Variants in A2M observed in about 807,000 individuals in gnomAD.
A2M encodes the protein C3 and PZP-like alpha-2-macroglobulin domain-containing protein 5.
A neutral mutation model predicts 183.9 loss-of-function variants in A2M; 128 were observed. The ratio of observed to expected loss-of-function variants is 0.70; its 90% CI spans 0.60 to 0.81. The LOEUF is 0.81. A2M is among the 30% of genes least tolerant of loss of function. A2M has a pLI of 0.00. For synonymous variants in A2M, 592 were observed against 670.8 expected (o/e 0.88, Z 1.81); for missense variants, 1,495 against 1,787.6 (o/e 0.84, Z 2.95).
chr12:9,107,213 C>T (rs1426167383), intron 8 of A2M, among the ~76,000 whole-genome samples: 1 of 152,068 alleles, frequency 6.6e-6, no homozygotes, highest in Non-Finnish European at 1.5e-5. Context: ...ACAGAGAGAG[C>T]AGAACTGATG....
At position 9,072,754 on chromosome 12, in the gene A2M, C is replaced by T; in HGVS notation, c.3874G>A (p.Val1292Met). 1.2e-6 allele frequency: 2 copies of T among 1,614,198 alleles called. No individual in the cohort carries two copies. The highest frequency in any genetic ancestry group is 1.1e-5 in the South Asian group (1 of 91,086). ...AGTAACAGGCGGTTGTTGTTGTCCACTTGGAATTTGCTGGAAAATGTCCCT... is the reference window on the plus strand; with the variant it reads ...AGTAACAGGCGGTTGTTGTTGTCCATTTGGAATTTGCTGGAAAATGTCCCT... ...SSGTFSSKFQ[V>M]DNNNRLLLQQ... The change falls in exon 30 of 36, where the codon GTG (valine) becomes ATG (methionine). Residue 1292 changes from valine (V) to methionine (M), a missense_variant. By Grantham distance (21) the Val-to-Met change is conservative. Coordinates refer to ENST00000318602, the MANE Select transcript of A2M (RefSeq NM_000014.6).
intron 31 of A2M, 121 bp downstream of exon 31, chr12:9,072,238 C>T: frequency 1.8e-6 from 2 of 1,142,346 alleles, no homozygotes; most frequent in Non-Finnish European, 2.5e-6. Context: ...TAAGAGAATA[C>T]ATTGCATTTT....
intron 21 of A2M, among the ~76,000 whole-genome samples, chr12:9,089,576 A>G (rs141511872): frequency 2.8e-4 from 42 of 152,250 alleles, no homozygotes; most frequent in African/African-American, 8.7e-4. Flanking sequence ...TCCTGTCTCT[A>G]CTAAAAATAC....
In A2M at chr12:9,072,844, A is replaced by G. The variant is rs1349135659; in HGVS notation, c.3784T>C (p.Ser1262Pro). Residue 1262 changes from serine (S) to proline (P), a missense_variant, in exon 30 of 36, where the codon TCC (serine) becomes CCC (proline). By Grantham distance (74) the Ser-to-Pro change is moderately conservative (BLOSUM62 -1). Transcript: ENST00000318602. ...QDTVVALHALSKYGAATFTRT... is the reference protein window; with the variant it reads ...QDTVVALHALPKYGAATFTRT... ...GTAAATGTGGCTGCTCCATATTTGGACAGAGCATGGAGAGCCACCACTGTG... is the reference window on the plus strand; with the variant it reads ...GTAAATGTGGCTGCTCCATATTTGGGCAGAGCATGGAGAGCCACCACTGTG... 1 of 1,614,030 alleles carries G rather than the reference A, an allele frequency of 6.2e-7. No homozygotes were observed. The highest frequency in any genetic ancestry group is 1.1e-5 in the South Asian group (1 of 91,068).
At chr12:9,110,447 ATAATT>A (rs1464558306) in intron 4 of A2M, 113 bp from the exon 5 acceptor site, 1 of 562,334 alleles carries the variant, frequency 1.8e-6, no homozygotes, top group African/African-American at 2.0e-5. Context: ...ATAGTAAAAA[ATAATT>A]TAATTGTACA....
chr12:9,116,046 T>G, upstream of A2M: 1 of 613,056 alleles, frequency 1.6e-6, no homozygotes, highest in Non-Finnish European at 3.0e-6. Flanking sequence ...GATGGCCTAT[T>G]TATAGTCAAG....
intron 19 of A2M, among the ~76,000 whole-genome samples, chr12:9,090,690 C>T (rs1565589806): frequency 2.0e-5 from 3 of 152,090 alleles, no homozygotes; most frequent in Non-Finnish European, 2.9e-5. Context: ...TTGGAAGCAA[C>T]CTGCTCTTTC....
chr12:9,089,994 C>T lies in A2M; in HGVS notation c.2626G>A (p.Ala876Thr). 6.3e-7 allele frequency: 1 copy of T among 1,599,816 alleles called. No homozygotes were observed. Residue 876 changes from alanine (A) to threonine (T), a missense_variant, in exon 21 of 36, where the codon GCA becomes ACA. Coordinates refer to ENST00000318602, the MANE Select transcript of A2M (RefSeq NM_000014.6). ...CCACACAGCTCTTGAGACTCTAGTG[C>T]CTCTGCGCTCACAGTGAAATTCACA... is the stretch of plus-strand genomic sequence containing the variant. The part of the protein sequence containing the change: ...GNVNFTVSAE[A>T]LESQELCGTE...
Position 9,101,537 on chromosome 12 carries a change from T to C in A2M, c.1404A>G (p.Leu468=), listed in dbSNP as rs1937850461. 2 of 1,613,792 alleles carry C rather than the reference T, an allele frequency of 1.2e-6. No homozygotes were observed. The highest frequency in any genetic ancestry group is 1.3e-5 in the African/African-American group (1 of 74,870). ...FVHLEPMSHE[L]PCGHTQTVQA... Reference sequence around the variant, plus strand: ...GGACTGTCTGAGTATGGCCACAGGGTAGTTCATGAGACATGGGCTCAAGGT... The same window carrying C: ...GGACTGTCTGAGTATGGCCACAGGGCAGTTCATGAGACATGGGCTCAAGGT... Residue 468 remains leucine (L), a synonymous_variant, in exon 12 of 36, where the codon CTA becomes CTG. Transcript: ENST00000318602.
chr12:9,067,767 T>C lies in A2M; in HGVS notation c.*56A>G, dbSNP rs1227451058. On this transcript the variant is annotated 3_prime_UTR_variant, in exon 36 of 36. Transcript: ENST00000318602. ...CTTTAAAGATACAAAAACACGTGTCTTCTGTGGAGCTCTGAGAACAGGACT... is the reference window on the plus strand; with the variant it reads ...CTTTAAAGATACAAAAACACGTGTCCTCTGTGGAGCTCTGAGAACAGGACT... The C allele has an allele frequency of 1.3e-6, 2 of 1,568,568 alleles. No individual in the cohort carries two copies. The highest frequency in any genetic ancestry group is 4.5e-5 in the East Asian group (2 of 44,604).
In A2M at chr12:9,112,180, G is replaced by T. The variant is rs1215064803; in HGVS notation, c.462C>A (p.Asn154Lys). Residue 154 changes from asparagine (N) to lysine (K), a missense_variant, in exon 4 of 36, where the codon AAC (asparagine) becomes AAA (lysine). Physicochemically the swap from Asn to Lys is moderately conservative, Grantham distance 94. Coordinates refer to ENST00000318602, the MANE Select transcript of A2M (RefSeq NM_000014.6). ...VKFRVVSMDENFHPLNELIPL... is the reference protein window; with the variant it reads ...VKFRVVSMDEKFHPLNELIPL... ...TCACCAACTCATTCAGGGGGTGAAA[G>T]TTTTCATCCATGGAGACAACACGAA... The T allele has an allele frequency of 6.2e-7, 1 of 1,613,694 alleles. No individual in the cohort carries two copies. The highest frequency in any genetic ancestry group is 1.3e-5 in the African/African-American group (1 of 74,904).
At chr12:9,074,116 G>A (rs1360837705) in intron 29 of A2M, among the ~76,000 whole-genome samples, 2 of 150,126 alleles carry the variant, frequency 1.3e-5, no homozygotes, top group East Asian at 3.9e-4. Flanking sequence ...AAGGTGAATA[G>A]GGGAAGCACA....
In A2M at chr12:9,112,229, T is replaced by C; in HGVS notation, c.431-18A>G. On this transcript the variant is annotated intron_variant, in intron 3 of 35. Transcript: ENST00000318602. ...AAATTTCACTGAAACAGAAATATTT[T>C]TCATGAGCCCCCAAACCCAAAGTAG... is the stretch of plus-strand genomic sequence containing the variant. 2 of 1,613,806 alleles carry C rather than the reference T, an allele frequency of 1.2e-6. No individual in the cohort carries two copies. Among genetic ancestry groups the C allele is most frequent in the Non-Finnish European group, 1.7e-6 (2 of 1,179,774 alleles).
Position 9,101,427 on chromosome 12 carries a change from G to T in A2M, c.1494+20C>A, listed in dbSNP as rs778764681. 1.9e-6 allele frequency: 3 copies of T among 1,594,572 alleles called. No homozygotes were observed. Among genetic ancestry groups the T allele is most frequent in the African/African-American group, 1.3e-5 (1 of 74,434 alleles). On this transcript the variant is annotated intron_variant, in intron 12 of 35. Transcript: ENST00000318602. The stretch of plus-strand genomic sequence containing the variant: ...AGCTTTTGTCTACAGTGAAGTCAAC[G>T]CAGTAACCTCCCTTCTCACCAGATA...
chr12:9,090,588 C>A, intron 19 of A2M, 106 bp from the exon 20 acceptor site: 1 of 1,194,100 alleles, frequency 8.4e-7, no homozygotes, highest in South Asian at 1.5e-5. Flanking sequence ...GGTTGCCTCA[C>A]ATTAAAGATG....
chr12:9,076,209 T>C (rs1280779505), intron 28 of A2M, among the ~76,000 whole-genome samples: 1 of 152,244 alleles, frequency 6.6e-6, no homozygotes, highest in Admixed American at 6.5e-5. Flanking sequence ...TGGGCATATA[T>C]TGAGAACTGA....
chr12:9,072,391 G>A lies in A2M; in HGVS notation c.4071C>T (p.Ala1357=). ...TLPQTCDEPK[A]HTSFQISLSV... ...TTAGGGAGATTTGGAAGCTGGTGTG[G>A]GCTTTGGGTTCATCACAAGTTTGAG... is the stretch of plus-strand genomic sequence containing the variant. The change falls in exon 31 of 36, where the codon GCC becomes GCT. Residue 1357 remains alanine (A), a synonymous_variant. Coordinates refer to ENST00000318602, the MANE Select transcript of A2M (RefSeq NM_000014.6). 6.2e-7 allele frequency: 1 copy of A among 1,613,892 alleles called. No individual in the cohort carries two copies. The highest frequency in any genetic ancestry group is 8.5e-7 in the Non-Finnish European group (1 of 1,179,858).
intron 1 of A2M, among the ~76,000 whole-genome samples, chr12:9,114,970 T>C (rs1186551995): frequency 6.6e-6 from 1 of 152,206 alleles, no homozygotes; most frequent in East Asian, 1.9e-4. Context: ...GAGCTGTTTT[T>C]TCCCCCAGTG....
Position 9,109,876 on chromosome 12 carries a change from C to G in A2M, c.664G>C (p.Glu222Gln), listed in dbSNP as rs1221373989. 6.3e-7 allele frequency: 1 copy of G among 1,599,206 alleles called. No homozygotes were observed. The highest frequency in any genetic ancestry group is 8.5e-7 in the Non-Finnish European group (1 of 1,174,882). The change falls in exon 6 of 36, where the codon GAG becomes CAG. Residue 222 changes from glutamate (E) to glutamine (Q), a missense_variant. Coordinates refer to ENST00000318602, the MANE Select transcript of A2M (RefSeq NM_000014.6). Reference sequence around the variant, plus strand: ...TTTTCATGATCCATACCAAATTCCTCCACGGTGAAAGGGTGCTCTGTCCTT... The same window carrying G: ...TTTTCATGATCCATACCAAATTCCTGCACGGTGAAAGGGTGCTCTGTCCTT... ...GGRTEHPFTV[E>Q]EFVLPKFEVQ...
Sources: allele counts gnomAD v4.1 joint callset (sites outside exome capture counted in the v4.1 genomes callset), GRCh38; gene constraint gnomAD v4.1.1; transcripts MANE v1.5; gene names NCBI Gene and HGNC (gene_info 2026-07-23, HGNC 2026-07-21).